Variants in IGF2BP1 observed in about 807,000 individuals in gnomAD.
IGF2BP1 encodes the protein insulin like growth factor 2 mRNA binding protein 1, also known as insulin-like growth factor 2 mRNA-binding protein 1.
A neutral mutation model predicts 74.9 loss-of-function variants in IGF2BP1; 11 were observed. That is an observed-to-expected ratio of 0.15 (90% CI 0.09 to 0.24). The LOEUF (loss-of-function observed/expected upper bound fraction) is 0.24. Among genes scored for constraint, IGF2BP1 ranks in the 10% least tolerant of loss-of-function variants. IGF2BP1 has a pLI of 1.00. For synonymous variants in IGF2BP1, 287 were observed against 281.8 expected, an observed-to-expected ratio of 1.02 and a Z score of -0.18; for missense variants, 440 against 757.4, an observed-to-expected ratio of 0.58 and a Z score of 4.92.
chr17:49,008,371 G>C (rs1443341653), intron 2 of IGF2BP1, among the ~76,000 whole-genome samples: 3 of 152,068 alleles, frequency 2.0e-5, no homozygotes. Context: ...TTAAAATCTA[G>C]CTGACTGAGG....
upstream of IGF2BP1, among the ~76,000 whole-genome samples, chr17:48,997,004 G>C (rs2041410174): frequency 2.0e-5 from 3 of 152,202 alleles, no homozygotes; most frequent in South Asian, 6.2e-4. The surrounding 1 kb of genome is among the most constrained non-coding windows in gnomAD (Gnocchi z 4.8). Context: ...TCAGTCGCTA[G>C]CAGTTAACCG....
At chr17:49,018,772 C>T (rs1483003670) in intron 2 of IGF2BP1, among the ~76,000 whole-genome samples, 1 of 152,064 alleles carries the variant, frequency 6.6e-6, no homozygotes, top group Admixed American at 6.5e-5. Flanking sequence ...TCTGGGGACA[C>T]AGGACCCTCT....
At chr17:49,024,307 G>T (rs2041827038) in intron 2 of IGF2BP1, among the ~76,000 whole-genome samples, 1 of 152,026 alleles carries the variant, frequency 6.6e-6, no homozygotes, top group Non-Finnish European at 1.5e-5. Context: ...AGCTATACAG[G>T]AGGGTGGGAG....
intron 4 of IGF2BP1, among the ~76,000 whole-genome samples, chr17:49,031,034 A>T (rs1270853565): frequency 2.6e-5 from 4 of 152,186 alleles, no homozygotes; most frequent in Non-Finnish European, 1.5e-5. Flanking sequence ...ACAACTGCTG[A>T]TAGGGTGGCT....
intron 2 of IGF2BP1, chr17:49,014,861 C>T (rs2041674545): frequency 1.0e-6 from 1 of 985,272 alleles, no homozygotes; most frequent in African/African-American, 1.7e-5. Flanking sequence ...AGACAGATTG[C>T]TTTGGAGGCT....
intron 14 of IGF2BP1, among the ~76,000 whole-genome samples, chr17:49,048,708 G>A (rs1230432689): frequency 2.0e-5 from 3 of 152,170 alleles, no homozygotes; most frequent in Non-Finnish European, 4.4e-5. Flanking sequence ...AGCGGCAGAC[G>A]AGTGGGCATT....
chr17:49,003,005 G>A (rs1286911194), intron 2 of IGF2BP1, among the ~76,000 whole-genome samples: 3 of 152,088 alleles, frequency 2.0e-5, no homozygotes, highest in African/African-American at 7.2e-5. Context: ...TTAAAAAGAT[G>A]AAATTTTACC....
Position 49,054,580 on chromosome 17 carries a change from C to T in IGF2BP1, c.*5136C>T, listed in dbSNP as rs1034479397. ...CTGCTTTCCTTGCCCATGTGTCACC[C>T]CTTTGGCCTCCAGCTTGTCCCTCTC... On this transcript the variant is annotated 3_prime_UTR_variant, in exon 15 of 15. Coordinates refer to ENST00000290341, the MANE Select transcript of IGF2BP1 (RefSeq NM_006546.4). The T allele has an allele frequency of 1.3e-5, 2 of 152,426 alleles. No homozygotes were observed. The highest frequency in any genetic ancestry group is 2.1e-4 in the South Asian group (1 of 4,830). The allele number at this position is 152,426 out of a possible 1,614,324, so 9.4% of individuals were successfully genotyped here.
At chr17:49,000,311 CATTA>C (rs2041472867) in intron 2 of IGF2BP1, among the ~76,000 whole-genome samples, 2 of 151,936 alleles carry the variant, frequency 1.3e-5, no homozygotes, top group Non-Finnish European at 2.9e-5. Flanking sequence ...TCTGGGGGAC[CATTA>C]AGAGGGCCTA....
chr17:49,014,227 C>T (rs1325502380), intron 2 of IGF2BP1, among the ~76,000 whole-genome samples: 5 of 147,790 alleles, frequency 3.4e-5, no homozygotes, highest in East Asian at 2.0e-4. Flanking sequence ...CCTCAGTCTC[C>T]GCCTCAGTCT....
At chr17:49,019,501 A>G (rs2041749296) in intron 2 of IGF2BP1, among the ~76,000 whole-genome samples, 1 of 152,202 alleles carries the variant, frequency 6.6e-6, no homozygotes, top group South Asian at 2.1e-4. Flanking sequence ...AAATATAAAC[A>G]TAAAAGTAGA....
rs1555595993 is a variant in IGF2BP1 at position 49,011,149 on chromosome 17, A to AAC, written c.236+11981_236+11982insCA. On this transcript the variant is annotated intron_variant, in intron 2 of 14. Transcript: ENST00000290341. ...TGAGACTCTGTCTCAAAAAAAAAAA[A>AAC]AAAAAAAAAAAAAAAAAACAAACCC... 7.5e-5 allele frequency among the ~76,000 whole-genome samples: 11 copies of AAC among 146,828 alleles called. No individual in the cohort carries two copies. In the South Asian group the frequency reaches 1.3e-3, roughly 17 times the overall value.
chr17:49,042,115 T>TTTGCCAGAAG, intron 8 of IGF2BP1, 127 bp from the exon 9 acceptor site: 1 of 1,259,282 alleles, frequency 7.9e-7, no homozygotes, highest in East Asian at 2.3e-5. Context: ...TGCAGAGTTA[T>TTTGCCAGAAG]TTGCCAGAAG....
chr17:49,009,882 C>G (rs1255424406), intron 2 of IGF2BP1, among the ~76,000 whole-genome samples: 2 of 152,034 alleles, frequency 1.3e-5, no homozygotes, highest in Non-Finnish European at 2.9e-5. Flanking sequence ...GAGTTCGAGA[C>G]CAGCCTGGCC....
chr17:49,039,043 A>G (rs2042020061), intron 6 of IGF2BP1, among the ~76,000 whole-genome samples: 1 of 151,478 alleles, frequency 6.6e-6, no homozygotes, highest in Non-Finnish European at 1.5e-5. Context: ...ATGCCCAGCT[A>G]ATTTTTGTAT....
intron 4 of IGF2BP1, 32 bp downstream of exon 4, chr17:49,026,549 G>A (rs772882246): frequency 5.6e-6 from 9 of 1,593,634 alleles, no homozygotes; most frequent in South Asian, 3.3e-5. Flanking sequence ...GGTGGCACTC[G>A]TGGTGGGGGT....
At chr17:49,000,567 G>A (rs1465641612) in intron 2 of IGF2BP1, among the ~76,000 whole-genome samples, 1 of 152,188 alleles carries the variant, frequency 6.6e-6, no homozygotes, top group Admixed American at 6.5e-5. Flanking sequence ...TTCTGGAGAT[G>A]TGTCTAAGGA....
chr17:49,025,247 G>T (rs1217239183), intron 2 of IGF2BP1, among the ~76,000 whole-genome samples: 1 of 151,854 alleles, frequency 6.6e-6, no homozygotes, highest in African/African-American at 2.4e-5. Flanking sequence ...TATTCCTAGT[G>T]CCTGGAACAT....
intron 2 of IGF2BP1, among the ~76,000 whole-genome samples, chr17:49,012,148 G>T (rs566514384): frequency 6.6e-6 from 1 of 152,004 alleles, no homozygotes; most frequent in Non-Finnish European, 1.5e-5. Context: ...CAGGCGATCC[G>T]CCCTCCTTTG....
Sources: gnomAD v4.1 joint callset for allele counts (sites outside exome capture counted in the v4.1 genomes callset) on GRCh38, gnomAD v4.1.1 for gene constraint, Gnocchi (gnomAD v3.1) non-coding constraint, MANE v1.5 for transcripts, NCBI Gene and HGNC (gene_info 2026-07-23, HGNC 2026-07-21) for gene names.